ATF7: variants seen among roughly 807,000 people sequenced by gnomAD.
ATF7 encodes activating transcription factor 7, also known as cyclic AMP-dependent transcription factor ATF-7.
ATF7 carries 10 observed loss-of-function variants against 50.4 expected under a neutral mutation model. The ratio of observed to expected loss-of-function variants is 0.20; its 90% CI spans 0.12 to 0.34. The LOEUF is 0.34. ATF7 is among the 10% of genes least tolerant of loss of function. The probability of loss-of-function intolerance (pLI) is 1.00; values close to 1 mark genes in which losing one functional copy is unlikely to be tolerated. For missense variants in ATF7, 465 were observed against 613.9 expected (o/e 0.76, Z 2.56); for synonymous variants, 201 against 226.4 (o/e 0.89, Z 1.01).
At chr12:53,550,179 C>T (rs1191668873) in intron 3 of ATF7, among the ~76,000 whole-genome samples, 1 of 151,476 alleles carries the variant, frequency 6.6e-6, no homozygotes, top group East Asian at 2.0e-4. Context: ...AAAAATTAGC[C>T]GATCGGTAGT....
intron 1 of ATF7, among the ~76,000 whole-genome samples, chr12:53,619,486 CAAAAAAA>C (rs112474373): frequency 1.9e-3 from 119 of 64,054 alleles, no homozygotes; most frequent in African/African-American, 5.5e-3. Flanking sequence ...GACTCCGTGT[CAAAAAAA>C]AAAAAAAAAA....
intron 1 of ATF7, among the ~76,000 whole-genome samples, chr12:53,616,637 T>C (rs1479450875): frequency 1.3e-5 from 2 of 152,062 alleles, no homozygotes; most frequent in African/African-American, 4.8e-5. Flanking sequence ...AGGATTAAAA[T>C]TGCCAAAAGA....
intron 3 of ATF7, 52 bp downstream of exon 3, chr12:53,552,489 A>G: frequency 7.1e-7 from 1 of 1,410,558 alleles, no homozygotes. Flanking sequence ...TCTGGTATTA[A>G]TCTTAACTGC....
At chr12:53,591,798 G>A (rs551449068) in intron 2 of ATF7, among the ~76,000 whole-genome samples, 2 of 152,272 alleles carry the variant, frequency 1.3e-5, no homozygotes, top group South Asian at 4.1e-4. Context: ...ATAAGCAGCG[G>A]TGCAACTCTG....
intron 2 of ATF7, among the ~76,000 whole-genome samples, chr12:53,579,641 A>T (rs190565988): frequency 6.6e-6 from 1 of 151,968 alleles, no homozygotes; most frequent in East Asian, 1.9e-4. Flanking sequence ...TTAGGGAACT[A>T]TCTGTGCCTG....
chr12:53,617,465 C>T (rs553368439), intron 1 of ATF7, among the ~76,000 whole-genome samples: 33 of 152,208 alleles, frequency 2.2e-4, no homozygotes, highest in African/African-American at 7.7e-4. Flanking sequence ...CCCGTCTCTA[C>T]TAAAAATACA....
At position 53,517,365 on chromosome 12, in the gene ATF7, G is replaced by T; in HGVS notation, c.1235-11C>A. The T allele has an allele frequency of 6.2e-7, 1 of 1,609,528 alleles. No individual in the cohort carries two copies. The highest frequency in any genetic ancestry group is 8.5e-7 in the Non-Finnish European group (1 of 1,177,622). On this transcript the variant is annotated splice_polypyrimidine_tract_variant and intron_variant, in intron 11 of 11. Transcript: ENST00000420353. ...TTTCCTTGGGGCTTTCTGCCAGGAA[G>T]GAGGGCAAAGAGCAGAGAGCAATTG...
chr12:53,519,624 A>G (rs1937976864), intron 11 of ATF7, among the ~76,000 whole-genome samples: 2 of 152,148 alleles, frequency 1.3e-5, no homozygotes, highest in Admixed American at 1.3e-4. Flanking sequence ...AAAAAAAAGA[A>G]TAAGTAGTTT....
chr12:53,612,176 A>G (rs1943908547), intron 1 of ATF7, among the ~76,000 whole-genome samples: 1 of 151,486 alleles, frequency 6.6e-6, no homozygotes, highest in African/African-American at 2.4e-5. Context: ...GGGTTTCACC[A>G]TAGTGGCTAG....
At chr12:53,573,373 A>C (rs1941878740) in intron 2 of ATF7, among the ~76,000 whole-genome samples, 1 of 152,216 alleles carries the variant, frequency 6.6e-6, no homozygotes, top group Non-Finnish European at 1.5e-5. Flanking sequence ...TAGTATTTGC[A>C]TATAAAATGT....
At position 53,531,855 on chromosome 12, in the gene ATF7, A is replaced by G; in HGVS notation, c.816T>C (p.Asn272=). ...ATLTHQVSSI[N]GGCGMVVGTA... is the part of the protein sequence containing the mutation. ...TACCCACCACCATTCCACAACCACC[A>G]TTGATTGAGGAGACTTGGTGAGTTA... Residue 272 remains asparagine, a synonymous_variant, in exon 9 of 12, where the codon AAT becomes AAC. Transcript: ENST00000420353. 6.2e-7 allele frequency: 1 copy of G among 1,613,710 alleles called. No homozygotes were observed. The highest frequency in any genetic ancestry group is 8.5e-7 in the Non-Finnish European group (1 of 1,179,848).
intron 1 of ATF7, among the ~76,000 whole-genome samples, chr12:53,615,039 C>T (rs911131713): frequency 6.6e-6 from 1 of 151,790 alleles, no homozygotes; most frequent in Non-Finnish European, 1.5e-5. Flanking sequence ...GAAATCATGC[C>T]ACTGCACTCT....
At chr12:53,611,127 T>C (rs1179512885) in intron 1 of ATF7, among the ~76,000 whole-genome samples, 5 of 152,136 alleles carry the variant, frequency 3.3e-5, no homozygotes, top group Non-Finnish European at 7.4e-5. Flanking sequence ...TGTACCCAGC[T>C]AATATTCACA....
intron 9 of ATF7, among the ~76,000 whole-genome samples, chr12:53,527,074 G>T (rs113283857): frequency 6.6e-6 from 1 of 151,616 alleles, no homozygotes; most frequent in African/African-American, 2.4e-5. Flanking sequence ...CAGGAGAATC[G>T]GTTGAACCTG....
intron 1 of ATF7, among the ~76,000 whole-genome samples, chr12:53,625,284 A>C (rs1374739014): frequency 6.6e-6 from 1 of 152,192 alleles, no homozygotes; most frequent in Non-Finnish European, 1.5e-5. Flanking sequence ...GTAATAGAAG[A>C]GAGGGAGAAG....
intron 2 of ATF7, among the ~76,000 whole-genome samples, chr12:53,554,285 C>T (rs560849099): frequency 3.3e-5 from 5 of 152,088 alleles, no homozygotes; most frequent in Non-Finnish European, 5.9e-5. Flanking sequence ...CGCATGCCAC[C>T]ATGCCCGGCT....
chr12:53,537,527 G>A lies in ATF7; in HGVS notation c.290C>T (p.Ser97Phe), dbSNP rs377338085. ...TTTGATGTCTGGTGTGGAAGGCAGA[G>A]ACATGTCAAGGGGCCCAGCAGCAGC... ...KKAAAGPLDM[S>F]LPSTPDIKIK... Residue 97 changes from serine (S) to phenylalanine (F), a missense_variant, in exon 5 of 12, where the codon TCT (serine) becomes TTT (phenylalanine). Coordinates refer to ENST00000420353, the MANE Select transcript of ATF7 (RefSeq NM_006856.3). The A allele has an allele frequency of 4.3e-6, 7 of 1,613,518 alleles. No individual in the cohort carries two copies. Among genetic ancestry groups the A allele is most frequent in the Non-Finnish European group, 5.1e-6 (6 of 1,179,854 alleles).
intron 1 of ATF7, among the ~76,000 whole-genome samples, chr12:53,611,918 GA>G (rs1207699911): frequency 6.6e-6 from 1 of 151,448 alleles, no homozygotes; most frequent in Non-Finnish European, 1.5e-5. Flanking sequence ...TTCAACGGTT[GA>G]AAAAAAATCG....
chr12:53,577,605 ACTCGG>A (rs1415453125), intron 2 of ATF7, among the ~76,000 whole-genome samples: 2 of 151,630 alleles, frequency 1.3e-5, no homozygotes, highest in Non-Finnish European at 2.9e-5. Context: ...AATCCCAGCT[ACTCGG>A]GAGGCTGAGG....
Sources: gnomAD v4.1 joint callset for allele counts (sites outside exome capture counted in the v4.1 genomes callset) on GRCh38, gnomAD v4.1.1 for gene constraint, MANE v1.5 for transcripts, NCBI Gene and HGNC (gene_info 2026-07-23, HGNC 2026-07-21) for gene names.